The following GPC6 variants were observed in gnomAD, a reference collection of about 807,000 sequenced individuals.
GPC6 encodes glypican-6.
A neutral mutation model predicts 55.2 loss-of-function variants in GPC6; 14 were observed. The ratio of observed to expected loss-of-function variants is 0.25; its 90% CI spans 0.17 to 0.40. The LOEUF is 0.40. GPC6 is among the 10% of genes least tolerant of loss of function. The pLI is 1.00. For missense variants in GPC6, 641 were observed against 708.5 expected, an observed-to-expected ratio of 0.90 and a Z score of 1.08; for synonymous variants, 278 against 259.6, an observed-to-expected ratio of 1.07 and a Z score of -0.68.
intron 2 of GPC6, among the ~76,000 whole-genome samples, chr13:93,671,283 T>C (rs1055033159): frequency 9.2e-5 from 14 of 151,762 alleles, no homozygotes; most frequent in East Asian, 3.9e-4. Flanking sequence ...TTTTTTTTTT[T>C]CCCTTCCTCG....
At chr13:93,864,797 G>T (rs1436250740) in intron 3 of GPC6, among the ~76,000 whole-genome samples, 2 of 151,594 alleles carry the variant, frequency 1.3e-5, no homozygotes, top group Non-Finnish European at 3.0e-5. Context: ...GGCCTCTATG[G>T]GCTGACCCAA....
chr13:94,101,416 A>G (rs1885855404), intron 4 of GPC6, among the ~76,000 whole-genome samples: 1 of 152,202 alleles, frequency 6.6e-6, no homozygotes. Flanking sequence ...GATCACCTGT[A>G]GCCCTATCTG....
At chr13:93,700,669 A>G (rs1046907306) in intron 2 of GPC6, among the ~76,000 whole-genome samples, 2 of 152,122 alleles carry the variant, frequency 1.3e-5, no homozygotes, top group Admixed American at 6.6e-5. Context: ...TGTAGTCTGC[A>G]TACTTTTACT....
chr13:93,217,596 A>G, the GPC6 span, among the ~76,000 whole-genome samples: 2 of 152,168 alleles, frequency 1.3e-5, no homozygotes, highest in Admixed American at 1.3e-4. Context: ...TTAAATCATT[A>G]TTTTTGAACT....
intron 2 of GPC6, among the ~76,000 whole-genome samples, chr13:93,795,160 C>T (rs1273224777): frequency 1.3e-5 from 2 of 152,274 alleles, no homozygotes; most frequent in South Asian, 2.1e-4. Flanking sequence ...TTTATTACAT[C>T]TACCCTAGGT....
At chr13:94,208,825 G>A (rs1472974914) in intron 4 of GPC6, among the ~76,000 whole-genome samples, 2 of 150,700 alleles carry the variant, frequency 1.3e-5, no homozygotes, top group African/African-American at 2.4e-5. Context: ...ACGCTGAAGC[G>A]GGAGGATCCC....
intron 4 of GPC6, among the ~76,000 whole-genome samples, chr13:94,165,930 A>AT (rs1490363330): frequency 5.3e-5 from 8 of 152,210 alleles, no homozygotes; most frequent in Non-Finnish European, 7.3e-5. Flanking sequence ...TATTTTGTGT[A>AT]TATGAATTTA....
chr13:94,222,614 A>C (rs1425656379), intron 4 of GPC6, among the ~76,000 whole-genome samples: 2 of 152,140 alleles, frequency 1.3e-5, no homozygotes, highest in Admixed American at 6.6e-5. Flanking sequence ...AATCTAATAG[A>C]ATGAGCCAGG....
intron 6 of GPC6, among the ~76,000 whole-genome samples, chr13:94,335,233 TAGAG>T (rs1369737842): frequency 3.3e-5 from 5 of 152,172 alleles, no homozygotes; most frequent in African/African-American, 4.8e-5. Flanking sequence ...GATAAGGTGA[TAGAG>T]AGGATACTAC....
In GPC6 at chr13:93,391,071, G is replaced by A. The variant is rs538384414; in HGVS notation, c.161-154192G>A. 4.6e-5 allele frequency among the ~76,000 whole-genome samples: 7 copies of A among 152,126 alleles called. No homozygotes were observed. In the South Asian group the frequency reaches 1.2e-3, roughly 27 times the overall value. On this transcript the variant is annotated intron_variant, in intron 1 of 8. Coordinates refer to ENST00000377047, the MANE Select transcript of GPC6 (RefSeq NM_005708.5). ...ACAACTTTTACCAACTTTGCTATGTGCTGTATCACCAAGTTTGTTATAATG... is the reference window on the plus strand; with the variant it reads ...ACAACTTTTACCAACTTTGCTATGTACTGTATCACCAAGTTTGTTATAATG...
At chr13:94,162,037 T>C (rs1233788660) in intron 4 of GPC6, among the ~76,000 whole-genome samples, 1 of 152,144 alleles carries the variant, frequency 6.6e-6, no homozygotes, top group East Asian at 1.9e-4. Context: ...CCCCCATGAT[T>C]CAATTATTTC....
chr13:94,083,245 A>G (rs946301419), intron 4 of GPC6, among the ~76,000 whole-genome samples: 3 of 151,952 alleles, frequency 2.0e-5, no homozygotes, highest in African/African-American at 7.3e-5. Flanking sequence ...CACCCTCCTG[A>G]GTAGCTGGGA....
chr13:94,175,805 TATA>T (rs1378459360), intron 4 of GPC6, among the ~76,000 whole-genome samples: 9 of 148,754 alleles, frequency 6.1e-5, no homozygotes, highest in Non-Finnish European at 5.9e-5. Context: ...TATTTAAAGT[TATA>T]TATATCTTTT....
At chr13:93,321,638 A>G (rs932763158) in intron 1 of GPC6, among the ~76,000 whole-genome samples, 2 of 152,232 alleles carry the variant, frequency 1.3e-5, no homozygotes, top group African/African-American at 4.8e-5. Flanking sequence ...TAAACCCATC[A>G]AGTTCAAATA....
intron 4 of GPC6, among the ~76,000 whole-genome samples, chr13:94,066,537 C>T (rs1884524243): frequency 6.6e-6 from 1 of 152,098 alleles, no homozygotes; most frequent in South Asian, 2.1e-4. Context: ...TTACATTTAG[C>T]ATTCAACTGC....
intron 4 of GPC6, among the ~76,000 whole-genome samples, chr13:94,272,458 C>CTTT (rs1272404309): frequency 2.6e-5 from 3 of 115,414 alleles, no homozygotes; most frequent in African/African-American, 3.9e-5. Context: ...CTTTTCTTTT[C>CTTT]TTTTCTTTTT....
At chr13:93,908,963 C>G (rs1246729899) in intron 3 of GPC6, among the ~76,000 whole-genome samples, 2 of 152,176 alleles carry the variant, frequency 1.3e-5, no homozygotes, top group African/African-American at 2.4e-5. Context: ...TCTCATCACT[C>G]TCTAACCTCT....
At chr13:93,345,530 T>G (rs767847338) in intron 1 of GPC6, among the ~76,000 whole-genome samples, 4 of 152,214 alleles carry the variant, frequency 2.6e-5, no homozygotes, top group Middle Eastern at 3.4e-3. Flanking sequence ...AAAAACTGCA[T>G]GCACATACTC....
intron 2 of GPC6, among the ~76,000 whole-genome samples, chr13:93,792,753 T>G (rs771799352): frequency 1.6e-4 from 25 of 152,180 alleles, no homozygotes; most frequent in Non-Finnish European, 3.2e-4. Context: ...GGAACCTGCA[T>G]CCTAAGGACC....
Sources: gnomAD v4.1 joint callset for allele counts (sites outside exome capture counted in the v4.1 genomes callset) on GRCh38, gnomAD v4.1.1 for gene constraint, MANE v1.5 for transcripts, NCBI Gene and HGNC (gene_info 2026-07-23, HGNC 2026-07-21) for gene names.